The following MDN1 variants were observed in gnomAD, a reference collection of about 807,000 sequenced individuals.
The protein encoded by MDN1 is midasin.
MDN1 carries 266 observed loss-of-function variants against 669.2 expected under a neutral mutation model. The observed-to-expected ratio is 0.40, with a 90% CI of 0.36 to 0.44. The LOEUF is 0.44. Ranked by LOEUF, MDN1 falls within the 20% of genes least tolerant of loss-of-function variation. The pLI is 1.00. For missense variants in MDN1, 5,940 were observed against 6,754.0 expected, an observed-to-expected ratio of 0.88 and a Z score of 4.22; for synonymous variants, 2,385 against 2,457.1, an observed-to-expected ratio of 0.97 and a Z score of 0.87.
Position 89,697,637 on chromosome 6 carries a change from A to C in MDN1, c.9169-1063T>G, listed in dbSNP as rs1812857942. Among the ~76,000 whole-genome samples the C allele has an allele frequency of 2.6e-5, 4 of 151,582 alleles. No homozygotes were observed. The South Asian group carries it at 8.3e-4, about 32-fold the overall frequency. The stretch of plus-strand genomic sequence containing the variant: ...CACTGTGTAACCCAGACTGGAGTGC[A>C]ATGGCACGATCTTGGCTCACTGCAA... On this transcript the variant is annotated intron_variant, in intron 59 of 101. Coordinates refer to ENST00000369393, the MANE Select transcript of MDN1 (RefSeq NM_014611.3).
At position 89,655,998 on chromosome 6, in the gene MDN1, C is replaced by T. The variant is rs766728340; in HGVS notation, c.15286-30G>A. 13 of 1,595,518 alleles carry T rather than the reference C, an allele frequency of 8.1e-6. No homozygotes were observed. In the African/African-American group the frequency reaches 1.3e-4, roughly 16 times the overall value. ...GAAATACAAGGAAATTCATCAGAGCCTTGCCTGTCATGACAAAAGGACTCA... is the reference window on the plus strand; with the variant it reads ...GAAATACAAGGAAATTCATCAGAGCTTTGCCTGTCATGACAAAAGGACTCA... On this transcript the variant is annotated intron_variant, in intron 91 of 101. Coordinates refer to ENST00000369393, the MANE Select transcript of MDN1 (RefSeq NM_014611.3).
chr6:89,708,448 G>A (rs753969159), intron 51 of MDN1, 48 bp downstream of exon 51: 19 of 1,601,170 alleles, frequency 1.2e-5, no homozygotes, highest in South Asian at 7.8e-5. Context: ...GGTATAATCC[G>A]AGAAGCCAGT....
At chr6:89,667,953 T>C in intron 84 of MDN1, 61 bp downstream of exon 84, 1 of 1,583,492 alleles carries the variant, frequency 6.3e-7, no homozygotes, top group South Asian at 1.2e-5. Context: ...TATGTGTAAC[T>C]TACATGTTGA....
rs1241667705 is a variant in MDN1, at chr6:89,675,498, G to A, written c.12727C>T (p.Leu4243=). Residue 4243 remains leucine, a synonymous_variant, in exon 78 of 102, where the codon CTG becomes TTG. Transcript: ENST00000369393. ...MKMLVRQRRS[L]TTLSEQWIIL... ...ATCCACTGCTCACTGAGCGTGGTCA[G>A]GGAGCGCCGCTGTCGGACGAGCATC... 1 of 1,613,742 alleles carries A rather than the reference G, an allele frequency of 6.2e-7. No individual in the cohort carries two copies. The highest frequency in any genetic ancestry group is 2.2e-5 in the East Asian group (1 of 44,868).
intron 69 of MDN1, among the ~76,000 whole-genome samples, 184 bp from the exon 70 acceptor site, chr6:89,686,157 G>A (rs1387862375): frequency 6.6e-6 from 1 of 152,200 alleles, no homozygotes; most frequent in Non-Finnish European, 1.5e-5. Flanking sequence ...CGGTGTGGTG[G>A]CTCACGCCTG....
At chr6:89,726,814 A>T (rs760698233) in intron 37 of MDN1, among the ~76,000 whole-genome samples, 1 of 152,214 alleles carries the variant, frequency 6.6e-6, no homozygotes, top group African/African-American at 2.4e-5. Context: ...ATTAAAATGC[A>T]AACAGGCAAA....
chr6:89,700,643 T>C lies in MDN1; in HGVS notation c.8638+3A>G. ...CAGCTAGCCAAGTGCTAGAATATTTTACCTAGGCTGACATCTTCCAAAATA... is the reference window on the plus strand; with the variant it reads ...CAGCTAGCCAAGTGCTAGAATATTTCACCTAGGCTGACATCTTCCAAAATA... On this transcript the variant is annotated splice_donor_region_variant and intron_variant, in intron 56 of 101. Transcript: ENST00000369393. 6.2e-7 allele frequency: 1 copy of C among 1,613,730 alleles called. No homozygotes were observed. Among genetic ancestry groups the C allele is most frequent in the Non-Finnish European group, 8.5e-7 (1 of 1,179,652 alleles).
chr6:89,819,467 C>T (rs761878420), intron 1 of MDN1, 39 bp downstream of exon 1: 2 of 1,569,846 alleles, frequency 1.3e-6, no homozygotes, highest in Admixed American at 3.4e-5. Context: ...TGGGGCGACC[C>T]AGTCGTTCCG....
chr6:89,670,924 G>C lies in MDN1; in HGVS notation c.13951C>G (p.Gln4651Glu), dbSNP rs367790031. Reference protein sequence around the residue: ...VLAQVFTELAQKGFCLPKEFM... With the variant: ...VLAQVFTELAEKGFCLPKEFM... ...ACCATGTGAACAGTCCTTACCTTCT[G>C]GGCAAGCTCTGTAAAGACCTGGGCA... Residue 4651 changes from glutamine to glutamate, a missense_variant, in exon 83 of 102, where the codon CAG becomes GAG. By Grantham distance (29) the Gln-to-Glu change is conservative. Around this residue, in one of 5 missense-constraint regions of MDN1, gnomAD observed 2,280 missense variants for 2,576.3 expected, o/e 0.88. Coordinates refer to ENST00000369393, the MANE Select transcript of MDN1 (RefSeq NM_014611.3). 2.3e-5 allele frequency: 37 copies of C among 1,613,876 alleles called. No homozygotes were observed. The highest frequency in any genetic ancestry group is 1.6e-4 in the Middle Eastern group (1 of 6,084).
chr6:89,765,405 C>T (rs180999149), intron 15 of MDN1, among the ~76,000 whole-genome samples: 6 of 152,214 alleles, frequency 3.9e-5, no homozygotes, highest in African/African-American at 9.6e-5. Context: ...TAAACTAGAA[C>T]GACAACAGTG....
At position 89,749,205 on chromosome 6, in the gene MDN1, C is replaced by T. The variant is rs758571380; in HGVS notation, c.3762+18G>A. 66 of 1,611,774 alleles carry T rather than the reference C, an allele frequency of 4.1e-5. 1 individual carries two copies. The highest frequency in any genetic ancestry group is 5.5e-5 in the Non-Finnish European group (65 of 1,178,740). On this transcript the variant is annotated intron_variant, in intron 26 of 101. Transcript: ENST00000369393. ...GATCACCAAGTATAATCAATACATT[C>T]CATTTGAAACTAAGTACCTGAAGAT...
At chr6:89,689,583 T>G (rs1562093669) in intron 65 of MDN1, among the ~76,000 whole-genome samples, 1 of 152,232 alleles carries the variant, frequency 6.6e-6, no homozygotes, top group Non-Finnish European at 1.5e-5. Flanking sequence ...CGTACACATT[T>G]AAATTAAGTC....
intron 53 of MDN1, 120 bp downstream of exon 53, chr6:89,705,939 A>C: frequency 1.2e-6 from 1 of 845,246 alleles, no homozygotes; most frequent in Non-Finnish European, 1.7e-6. Context: ...TGTTAAGAAT[A>C]AGTTTCTTAA....
rs552250904 is a variant in MDN1, at chr6:89,701,571, G to T, written c.8414C>A (p.Pro2805Gln). 1 of 1,614,028 alleles carries T rather than the reference G, an allele frequency of 6.2e-7. No homozygotes were observed. Among genetic ancestry groups the T allele is most frequent in the South Asian group, 1.1e-5 (1 of 91,048 alleles). The change falls in exon 55 of 102, where the codon CCG (proline) becomes CAG (glutamine). Residue 2805 changes from proline to glutamine, a missense_variant. By Grantham distance (76) the Pro-to-Gln change is moderately conservative. Around this residue, in one of 5 missense-constraint regions of MDN1, gnomAD observed 2,292 missense variants for 2,638.3 expected, o/e 0.87. Transcript: ENST00000369393. ...IKKLQKFLGR[P>Q]FPFKDKLVVE... ...TTCCAGGTGTACCTTAAAAGGAAAC[G>T]GTCGTCCCAGGAACTTCTGCAACTT...
chr6:89,750,213 T>TCTTA, intron 24 of MDN1, 141 bp downstream of exon 24: 1 of 817,568 alleles, frequency 1.2e-6, no homozygotes, highest in South Asian at 1.9e-5. Flanking sequence ...CCCTTAACTA[T>TCTTA]CTTAGCTCAG....
intron 90 of MDN1, among the ~76,000 whole-genome samples, 199 bp downstream of exon 90, chr6:89,658,010 G>A (rs971523733): frequency 6.6e-6 from 1 of 152,216 alleles, no homozygotes; most frequent in African/African-American, 2.4e-5. Flanking sequence ...TTTTCAGAAT[G>A]TATCCCTGTC....
chr6:89,803,489 G>A lies in MDN1; in HGVS notation c.168C>T (p.Asp56=). 1 of 1,614,078 alleles carries A rather than the reference G, an allele frequency of 6.2e-7. No homozygotes were observed. The highest frequency in any genetic ancestry group is 8.5e-7 in the Non-Finnish European group (1 of 1,180,020). ...GCTGGCGACCAACCAGCACAGTACA[G>A]TCCTTATCCAAAAGCAACTGTGCTA... ...STLAQLLLDK[D]CTVLVGRQLR... is the part of the protein sequence containing the mutation. Residue 56 remains aspartate (D), a synonymous_variant, in exon 2 of 102, where the codon GAC becomes GAT. Coordinates refer to ENST00000369393, the MANE Select transcript of MDN1 (RefSeq NM_014611.3).
At chr6:89,673,083 G>A (rs1810938386) in intron 80 of MDN1, among the ~76,000 whole-genome samples, 153 bp downstream of exon 80, 1 of 152,120 alleles carries the variant, frequency 6.6e-6, no homozygotes, top group South Asian at 2.1e-4. Flanking sequence ...AAAGTTAAGA[G>A]CTGTGGATTT....
chr6:89,644,165 A>G lies in MDN1; in HGVS notation c.16631T>C (p.Ile5544Thr), dbSNP rs559653961. The G allele has an allele frequency of 3.7e-5, 59 of 1,612,910 alleles. No individual in the cohort carries two copies. The highest frequency in any genetic ancestry group is 4.7e-5 in the Non-Finnish European group (56 of 1,179,630). ...RDSILDIKVP[I>T]FKGPGEMPEI... ...AGGCATCTCTCCAGGTCCTTTAAAT[A>G]TCGGTACTTTAATGTCCAAGATAGA... The change falls in exon 102 of 102, where the codon ATA becomes ACA. Residue 5544 changes from isoleucine to threonine, a missense_variant. Ile to Thr is a moderately conservative substitution (Grantham distance 89). This residue lies in a region of MDN1 where 2,280 missense variants were observed against 2,576.3 expected (regional missense o/e 0.88). Coordinates refer to ENST00000369393, the MANE Select transcript of MDN1 (RefSeq NM_014611.3).
Sources: gnomAD v4.1 joint callset for allele counts (sites outside exome capture counted in the v4.1 genomes callset) on GRCh38, gnomAD v4.1.1 for gene constraint, gnomAD v4.1.1 regional missense constraint, MANE v1.5 for transcripts, NCBI Gene and HGNC (gene_info 2026-07-23, HGNC 2026-07-21) for gene names.